The following MAST4 variants were observed in gnomAD, a reference collection of about 807,000 sequenced individuals.
MAST4 encodes microtubule associated serine/threonine kinase family member 4.
Under a neutral mutation model 162.7 loss-of-function variants are expected in MAST4, and 89 were observed. The ratio of observed to expected loss-of-function variants is 0.55; its 90% CI spans 0.46 to 0.65. The LOEUF is 0.65. MAST4 is among the 30% of genes least tolerant of loss of function. MAST4 has a pLI of 0.00. For missense variants in MAST4, 3,153 were observed against 3,374.0 expected (o/e 0.93, Z 1.62); for synonymous variants, 1,479 against 1,361.1 (o/e 1.09, Z -1.91).
chr5:66,673,741 G>A (rs559606425), intron 1 of MAST4, among the ~76,000 whole-genome samples: 68 of 152,106 alleles, frequency 4.5e-4, no homozygotes, highest in African/African-American at 1.6e-3. Context: ...GCCTGCCTCG[G>A]CCTCCCAGAG....
At chr5:66,845,084 T>TG in intron 3 of MAST4, among the ~76,000 whole-genome samples, 1 of 60,072 alleles carries the variant, frequency 1.7e-5, no homozygotes, top group African/African-American at 7.1e-5. Context: ...GTCACTAATC[T>TG]TTATATATAT....
chr5:67,097,622 A>C (rs1239745435), intron 7 of MAST4, among the ~76,000 whole-genome samples: 1 of 152,020 alleles, frequency 6.6e-6, no homozygotes, highest in Admixed American at 6.5e-5. Context: ...CACCCCCAAG[A>C]CCATTTTTAG....
intron 1 of MAST4, among the ~76,000 whole-genome samples, chr5:66,719,085 G>C (rs556696605): frequency 2.6e-5 from 4 of 152,326 alleles, no homozygotes; most frequent in African/African-American, 9.6e-5. Context: ...TGAGTTATGG[G>C]AAGTGAACTG....
intron 3 of MAST4, among the ~76,000 whole-genome samples, chr5:66,835,091 T>C (rs1757871297): frequency 6.6e-6 from 1 of 152,156 alleles, no homozygotes; most frequent in African/African-American, 2.4e-5. Context: ...GAATTACAAC[T>C]TCACATTATG....
Position 67,134,598 on chromosome 5 carries a change from G to A in MAST4, c.2302G>A (p.Ala768Thr). ...QGYGKPVDWW[A>T]MGIILYEFLV... ...TTATGGAAAGCCGGTGGACTGGTGG[G>A]CCATGGGGATTATCCTCTATGAATT... The change falls in exon 18 of 29, where the codon GCC (alanine) becomes ACC (threonine). Residue 768 changes from alanine (A) to threonine (T), a missense_variant. This residue lies in a region of MAST4 where 131 missense variants were observed against 253.8 expected (regional missense o/e 0.52). Coordinates refer to ENST00000403625, the MANE Select transcript of MAST4 (RefSeq NM_001164664.2). 1 of 1,613,736 alleles carries A rather than the reference G, an allele frequency of 6.2e-7. No homozygotes were observed. Among genetic ancestry groups the A allele is most frequent in the Non-Finnish European group, 8.5e-7 (1 of 1,179,694 alleles).
intron 4 of MAST4, among the ~76,000 whole-genome samples, chr5:66,907,322 A>G (rs1000114165): frequency 2.0e-5 from 3 of 149,918 alleles, no homozygotes; most frequent in Non-Finnish European, 2.9e-5. Context: ...GCTTTACCTC[A>G]TCCTCCCAGG....
intron 3 of MAST4, among the ~76,000 whole-genome samples, chr5:66,880,460 C>A (rs1292883423): frequency 6.6e-6 from 1 of 152,100 alleles, no homozygotes; most frequent in African/African-American, 2.4e-5. Context: ...TTTTTTTAAA[C>A]ATAAAGAAAT....
chr5:66,762,501 T>A (rs1292489921), intron 2 of MAST4, among the ~76,000 whole-genome samples: 1 of 152,188 alleles, frequency 6.6e-6, no homozygotes, highest in Admixed American at 6.5e-5. Context: ...TTGGTACCCT[T>A]ATCGACTGGC....
At chr5:66,948,230 G>A (rs1044736121) in intron 4 of MAST4, among the ~76,000 whole-genome samples, 3 of 152,258 alleles carry the variant, frequency 2.0e-5, no homozygotes, top group South Asian at 2.1e-4. Flanking sequence ...TACCTGTTAC[G>A]GAGCCAAAGA....
At chr5:66,765,235 T>C (rs1754040504) in intron 2 of MAST4, among the ~76,000 whole-genome samples, 1 of 152,136 alleles carries the variant, frequency 6.6e-6, no homozygotes, top group South Asian at 2.1e-4. Context: ...ATGTATACTT[T>C]TTGCTAAGCA....
At position 67,142,473 on chromosome 5, in the gene MAST4, T is replaced by C; in HGVS notation, c.2670T>C (p.Asn890=). 2 of 1,600,422 alleles carry C rather than the reference T, an allele frequency of 1.2e-6. No homozygotes were observed. Among genetic ancestry groups the C allele is most frequent in the Non-Finnish European group, 1.7e-6 (2 of 1,173,036 alleles). ...AAACGGAGGAAGAAGATGACACAAA[T>C]GATGAAGACTTTAATGTGGAAATAA... ...HMETEEEDDT[N]DEDFNVEIRQ... The change falls in exon 21 of 29, where the codon AAT becomes AAC. Residue 890 remains asparagine (N), a synonymous_variant. Transcript: ENST00000403625.
At chr5:66,632,620 C>A (rs938293582) in intron 1 of MAST4, among the ~76,000 whole-genome samples, 19 of 152,116 alleles carry the variant, frequency 1.2e-4, no homozygotes, top group African/African-American at 3.9e-4. Flanking sequence ...TTACAAAGTT[C>A]TACTGCTTAA....
At chr5:66,699,148 G>A (rs1326272691) in intron 1 of MAST4, among the ~76,000 whole-genome samples, 2 of 152,130 alleles carry the variant, frequency 1.3e-5, no homozygotes, top group Admixed American at 1.3e-4. Context: ...CCCCAGCCAT[G>A]TTAGTCCTCT....
intron 1 of MAST4, among the ~76,000 whole-genome samples, chr5:66,676,811 C>T (rs867800914): frequency 6.6e-6 from 1 of 152,174 alleles, no homozygotes; most frequent in African/African-American, 2.4e-5. Flanking sequence ...CAAGGAAATT[C>T]TAAAGGTAAT....
chr5:66,602,191 T>C (rs7727147), intron 1 of MAST4, among the ~76,000 whole-genome samples: 23,146 of 151,942 alleles, frequency 0.15, 2,720 homozygotes, highest in African/African-American at 0.32. Context: ...GAGGAGAGGG[T>C]CTTGTGAATG....
At chr5:66,789,438 C>T (rs1755281040) in intron 3 of MAST4, among the ~76,000 whole-genome samples, 1 of 152,150 alleles carries the variant, frequency 6.6e-6, no homozygotes, top group African/African-American at 2.4e-5. Flanking sequence ...ATTAAATTGT[C>T]CCTCTCTTTA....
At chr5:66,970,380 A>G (rs1318887889) in intron 4 of MAST4, among the ~76,000 whole-genome samples, 3 of 152,174 alleles carry the variant, frequency 2.0e-5, no homozygotes, top group African/African-American at 7.2e-5. Flanking sequence ...TTTCTGAAAT[A>G]TAGTATTTTT....
intron 5 of MAST4, among the ~76,000 whole-genome samples, chr5:67,057,863 A>G (rs1759049222): frequency 6.6e-6 from 1 of 152,110 alleles, no homozygotes; most frequent in Non-Finnish European, 1.5e-5. Flanking sequence ...CCAATAGAAA[A>G]ATGGGCAAAA....
Position 66,863,400 on chromosome 5 carries a change from G to A in MAST4, c.643-36551G>A, listed in dbSNP as rs529254069. Among the ~76,000 whole-genome samples, 6 of 152,294 alleles carry A rather than the reference G, an allele frequency of 3.9e-5. No individual in the cohort carries two copies. In the South Asian group the frequency reaches 1.0e-3, roughly 26 times the overall value. On this transcript the variant is annotated intron_variant, in intron 3 of 28. Transcript: ENST00000403625. ...CTGGGCAGAGAAGGAATAAGGAAAG[G>A]AGTCACTGTGGTTGCAGCTGCCTTT...
Sources: allele counts gnomAD v4.1 joint callset (sites outside exome capture counted in the v4.1 genomes callset), GRCh38; gene constraint gnomAD v4.1.1; regional missense constraint gnomAD v4.1.1; transcripts MANE v1.5; gene names NCBI Gene and HGNC (gene_info 2026-07-23, HGNC 2026-07-21).